The following SPTLC3 variants were observed in gnomAD, a reference collection of about 807,000 sequenced individuals.
SPTLC3 encodes serine palmitoyltransferase long chain base subunit 3.
In SPTLC3, 36 loss-of-function variants were observed where a neutral mutation model predicts 59.3. That is an observed-to-expected ratio of 0.61 (90% CI 0.47 to 0.80). SPTLC3 has a LOEUF of 0.80. SPTLC3 is among the 30% of genes least tolerant of loss of function. The probability of loss-of-function intolerance (pLI) is 0.00; values close to 1 mark genes in which losing one functional copy is unlikely to be tolerated. For missense variants in SPTLC3, 625 were observed against 685.1 expected, an observed-to-expected ratio of 0.91 and a Z score of 0.98; for synonymous variants, 257 against 240.8, an observed-to-expected ratio of 1.07 and a Z score of -0.62.
chr20:13,016,590 G>A (rs185415127), intron 1 of SPTLC3, among the ~76,000 whole-genome samples: 5 of 152,146 alleles, frequency 3.3e-5, no homozygotes, highest in African/African-American at 7.2e-5. Context: ...AACAACTGTC[G>A]AAGACCCCAT....
At chr20:13,144,505 T>C (rs866056679) in intron 9 of SPTLC3, among the ~76,000 whole-genome samples, 4 of 152,324 alleles carry the variant, frequency 2.6e-5, no homozygotes, top group Middle Eastern at 3.4e-3. Flanking sequence ...TCTATAGATA[T>C]AGAGGCAGAT....
Position 13,145,657 on chromosome 20 carries a change from A to G in SPTLC3, c.1280-8346A>G, listed in dbSNP as rs558435478. Among the ~76,000 whole-genome samples the G allele has an allele frequency of 2.0e-5, 3 of 152,364 alleles. No individual in the cohort carries two copies. In the East Asian group the frequency reaches 5.8e-4, roughly 29 times the overall value. On this transcript the variant is annotated intron_variant, in intron 9 of 11. Transcript: ENST00000399002. ...AAAAAGATTTTAAAATTCATATGGA[A>G]CCAAAAAAGAGCACAAATAGCCAAG...
chr20:13,020,826 A>G (rs1985843851), intron 1 of SPTLC3, among the ~76,000 whole-genome samples: 1 of 152,138 alleles, frequency 6.6e-6, no homozygotes, highest in Admixed American at 6.5e-5. Context: ...AGGTAACTTT[A>G]TGTCTCTGAT....
chr20:13,134,456 C>T (rs1390567588), intron 9 of SPTLC3, among the ~76,000 whole-genome samples: 3 of 152,146 alleles, frequency 2.0e-5, no homozygotes, highest in Non-Finnish European at 4.4e-5. Flanking sequence ...GTCATCATTT[C>T]ATATTTCATG....
intron 1 of SPTLC3, among the ~76,000 whole-genome samples, chr20:13,011,071 T>C (rs1386470979): frequency 6.6e-6 from 1 of 152,174 alleles, no homozygotes; most frequent in Non-Finnish European, 1.5e-5. Context: ...TAGGTGTCAC[T>C]AAGCTACAAT....
chr20:13,044,103 TC>T (rs58456237), intron 1 of SPTLC3, among the ~76,000 whole-genome samples: 11,676 of 137,654 alleles, frequency 0.085, 479 homozygotes, highest in Middle Eastern at 0.16. Flanking sequence ...TTCTTTTTTT[TC>T]TTTTTTTTTT....
chr20:13,085,758 A>C (rs1988984579), intron 4 of SPTLC3, among the ~76,000 whole-genome samples: 1 of 152,254 alleles, frequency 6.6e-6, no homozygotes, highest in Non-Finnish European at 1.5e-5. Context: ...CATACAGTCC[A>C]TAGATAGAAT....
chr20:13,021,255 C>T (rs556069067), intron 1 of SPTLC3, among the ~76,000 whole-genome samples: 1 of 152,276 alleles, frequency 6.6e-6, no homozygotes, highest in Non-Finnish European at 1.5e-5. Flanking sequence ...GACCTTTAAA[C>T]AATGGAATGA....
intron 6 of SPTLC3, among the ~76,000 whole-genome samples, chr20:13,107,901 C>A (rs1200847265): frequency 6.7e-6 from 1 of 148,746 alleles, no homozygotes. Flanking sequence ...TCCCTTAATT[C>A]TTCATTATTT....
At chr20:13,031,095 CA>C (rs1343239663) in intron 1 of SPTLC3, among the ~76,000 whole-genome samples, 1 of 152,092 alleles carries the variant, frequency 6.6e-6, no homozygotes, top group Non-Finnish European at 1.5e-5. Flanking sequence ...ATAGGCAATA[CA>C]TGAACAAATG....
At chr20:13,152,394 G>A (rs191238587) in intron 9 of SPTLC3, among the ~76,000 whole-genome samples, 1 of 152,236 alleles carries the variant, frequency 6.6e-6, no homozygotes, top group East Asian at 1.9e-4. Context: ...GACACATTTG[G>A]TTATAAGAGG....
chr20:13,126,873 A>T (rs1035352236), intron 9 of SPTLC3, among the ~76,000 whole-genome samples, 156 bp downstream of exon 9: 1 of 152,244 alleles, frequency 6.6e-6, no homozygotes, highest in East Asian at 1.9e-4. Flanking sequence ...TTAGCACACC[A>T]TACAAAAACC....
intron 9 of SPTLC3, among the ~76,000 whole-genome samples, chr20:13,140,643 A>AT (rs2038359357): frequency 6.8e-6 from 1 of 146,778 alleles, no homozygotes; most frequent in South Asian, 2.1e-4. Flanking sequence ...TATCTACAGG[A>AT]TTAAAAAAAC....
intron 1 of SPTLC3, among the ~76,000 whole-genome samples, chr20:13,041,658 A>G (rs1298490344): frequency 6.6e-6 from 1 of 152,100 alleles, no homozygotes; most frequent in Non-Finnish European, 1.5e-5. Context: ...CTGTTTCTTT[A>G]CATGACTCAT....
chr20:13,148,340 G>T (rs1481905818), intron 9 of SPTLC3, among the ~76,000 whole-genome samples: 2 of 152,170 alleles, frequency 1.3e-5, no homozygotes, highest in Non-Finnish European at 2.9e-5. Flanking sequence ...AGCCAGCAAA[G>T]CCAGAAATCA....
intron 9 of SPTLC3, 110 bp from the exon 10 acceptor site, chr20:13,153,893 C>A (rs6033628): frequency 7.1e-7 from 1 of 1,403,812 alleles, no homozygotes; most frequent in Non-Finnish European, 9.8e-7. Flanking sequence ...CTCCTCCCAG[C>A]TAGTGCTGCT....
chr20:13,088,802 T>TTC (rs2122618168), intron 4 of SPTLC3, among the ~76,000 whole-genome samples: 1 of 148,850 alleles, frequency 6.7e-6, no homozygotes, highest in Admixed American at 6.7e-5. Context: ...TTTTTTTTTT[T>TTC]GTATTTTTAG....
chr20:13,056,741 CTTTTTTTT>C (rs34096106), intron 2 of SPTLC3, among the ~76,000 whole-genome samples: 4 of 129,190 alleles, frequency 3.1e-5, no homozygotes, highest in African/African-American at 1.2e-4. Context: ...CATCCTTAAT[CTTTTTTTT>C]TTTTTTTTTT....
intron 9 of SPTLC3, among the ~76,000 whole-genome samples, chr20:13,149,782 T>G (rs1319830728): frequency 7.9e-5 from 12 of 152,194 alleles, no homozygotes; most frequent in Admixed American, 7.9e-4. Flanking sequence ...TAGCTGATGA[T>G]CCAGTTTCTT....
Sources: allele counts gnomAD v4.1 joint callset (sites outside exome capture counted in the v4.1 genomes callset), GRCh38; gene constraint gnomAD v4.1.1; transcripts MANE v1.5; gene names NCBI Gene and HGNC (gene_info 2026-07-23, HGNC 2026-07-21).